Variants in AATF observed in about 807,000 individuals in gnomAD.
AATF encodes apoptosis antagonizing transcription factor.
A neutral mutation model predicts 63.7 loss-of-function variants in AATF; 48 were observed. The ratio of observed to expected loss-of-function variants is 0.75; its 90% CI spans 0.60 to 0.96. The LOEUF (loss-of-function observed/expected upper bound fraction) is 0.96. Ranked by LOEUF, AATF falls within the 40% of genes least tolerant of loss-of-function variation. The probability of loss-of-function intolerance (pLI) is 0.00; values close to 1 mark genes in which losing one functional copy is unlikely to be tolerated. For synonymous variants in AATF, 258 were observed against 247.7 expected (o/e 1.04, Z -0.39); for missense variants, 639 against 685.7 (o/e 0.93, Z 0.76).
intron 4 of AATF, among the ~76,000 whole-genome samples, chr17:36,967,930 A>G (rs1293007600): frequency 6.7e-6 from 1 of 149,942 alleles, no homozygotes; most frequent in East Asian, 2.0e-4. Flanking sequence ...GAAATTTCAT[A>G]ATGATGCACC....
intron 10 of AATF, among the ~76,000 whole-genome samples, chr17:37,031,125 GT>G (rs2071548498): frequency 6.6e-6 from 1 of 152,156 alleles, no homozygotes; most frequent in Non-Finnish European, 1.5e-5. Context: ...ATATTTGTGA[GT>G]TCCACATCAG....
At chr17:37,030,253 C>A (rs953765543) in intron 10 of AATF, among the ~76,000 whole-genome samples, 2 of 152,042 alleles carry the variant, frequency 1.3e-5, no homozygotes, top group South Asian at 2.1e-4. Flanking sequence ...CAGTATTATT[C>A]TTGTAAAATT....
intron 11 of AATF, among the ~76,000 whole-genome samples, chr17:37,035,875 A>C (rs891624775): frequency 6.6e-6 from 1 of 152,226 alleles, no homozygotes; most frequent in African/African-American, 2.4e-5. Context: ...AAAATAAAAA[A>C]TCCAAATGAC....
At chr17:36,970,534 C>CTTTCTTTT (rs1567968838) in intron 4 of AATF, among the ~76,000 whole-genome samples, 1 of 125,686 alleles carries the variant, frequency 8.0e-6, no homozygotes, top group African/African-American at 5.0e-5. Flanking sequence ...TTCTTTCTTT[C>CTTTCTTTT]TTTTTTCTTT....
intron 4 of AATF, among the ~76,000 whole-genome samples, chr17:36,967,535 T>C (rs1368207476): frequency 6.6e-6 from 1 of 152,218 alleles, no homozygotes; most frequent in African/African-American, 2.4e-5. Context: ...TCATCTGGCC[T>C]GTTCACCTTC....
intron 2 of AATF, 67 bp from the exon 3 acceptor site, chr17:36,952,819 A>G: frequency 6.5e-7 from 1 of 1,546,712 alleles, no homozygotes; most frequent in Non-Finnish European, 8.7e-7. Flanking sequence ...GTTGAAATGA[A>G]GTCTATGGCT....
At chr17:37,022,141 TGTGTGTGTGTGA>T (rs921886373) in intron 10 of AATF, among the ~76,000 whole-genome samples, 30 of 149,814 alleles carry the variant, frequency 2.0e-4, no homozygotes, top group African/African-American at 7.1e-4. Context: ...TGTGTGTGTG[TGTGTGTGTGTGA>T]GAAACACAGT....
chr17:36,962,787 T>G (rs1227505938), intron 4 of AATF, among the ~76,000 whole-genome samples: 1 of 152,132 alleles, frequency 6.6e-6, no homozygotes, highest in Non-Finnish European at 1.5e-5. Flanking sequence ...ATATGTACAT[T>G]TAATTAACTC....
At chr17:37,024,370 G>A (rs889283366) in intron 10 of AATF, among the ~76,000 whole-genome samples, 3 of 152,172 alleles carry the variant, frequency 2.0e-5, no homozygotes, top group African/African-American at 7.2e-5. Context: ...GACCCATTTT[G>A]GGAACTGTAA....
At chr17:37,038,028 A>T (rs1368614267) in intron 11 of AATF, among the ~76,000 whole-genome samples, 1 of 152,156 alleles carries the variant, frequency 6.6e-6, no homozygotes, top group Non-Finnish European at 1.5e-5. Flanking sequence ...TGCCTGGTTC[A>T]TGCTTCCTGT....
At chr17:36,968,916 T>C (rs968411002) in intron 4 of AATF, among the ~76,000 whole-genome samples, 2 of 152,218 alleles carry the variant, frequency 1.3e-5, no homozygotes, top group Admixed American at 6.5e-5. Context: ...ATGTGAACTT[T>C]AGCGCCTGGC....
chr17:36,953,746 G>A (rs776764450), intron 3 of AATF, 24 bp from the exon 4 acceptor site: 18 of 1,603,972 alleles, frequency 1.1e-5, no homozygotes, highest in Non-Finnish European at 1.4e-5. Context: ...ATTGAGGAAT[G>A]GGATTCTCTT....
intron 11 of AATF, among the ~76,000 whole-genome samples, chr17:37,039,908 A>G (rs190078245): frequency 3.3e-5 from 5 of 152,354 alleles, no homozygotes; most frequent in Admixed American, 1.3e-4. Flanking sequence ...TCTTCTAGAA[A>G]GAGATTTGTA....
At chr17:36,985,060 C>T (rs956445999) in intron 4 of AATF, among the ~76,000 whole-genome samples, 2 of 152,012 alleles carry the variant, frequency 1.3e-5, no homozygotes, top group Non-Finnish European at 2.9e-5. Flanking sequence ...CACCACCGTG[C>T]GCGGCTAATT....
intron 2 of AATF, among the ~76,000 whole-genome samples, chr17:36,951,086 T>A (rs533115991): frequency 9.2e-5 from 14 of 152,334 alleles, no homozygotes; most frequent in African/African-American, 2.6e-4. Flanking sequence ...TAGGAGTCTG[T>A]GCGCTTATAG....
At chr17:37,008,427 A>C (rs142441702) in intron 8 of AATF, among the ~76,000 whole-genome samples, 1 of 152,252 alleles carries the variant, frequency 6.6e-6, no homozygotes, top group African/African-American at 2.4e-5. Flanking sequence ...AGATAGTTAC[A>C]CTTAGATTGA....
chr17:37,017,932 T>A (rs1414726674), intron 8 of AATF, among the ~76,000 whole-genome samples: 1 of 152,224 alleles, frequency 6.6e-6, no homozygotes, highest in East Asian at 1.9e-4. Context: ...TTTGATTTGA[T>A]GAAATATCTC....
At chr17:37,011,190 G>A (rs2071387850) in intron 8 of AATF, among the ~76,000 whole-genome samples, 1 of 152,102 alleles carries the variant, frequency 6.6e-6, no homozygotes, top group African/African-American at 2.4e-5. Context: ...GGCCAACATG[G>A]AAAAACCCCG....
chr17:37,029,960 C>CA (rs1239706562), intron 10 of AATF, among the ~76,000 whole-genome samples: 17 of 152,276 alleles, frequency 1.1e-4, no homozygotes, highest in African/African-American at 4.1e-4. Flanking sequence ...CCTGGCCTCT[C>CA]AAAGTGCTCA....
Sources: allele counts gnomAD v4.1 joint callset (sites outside exome capture counted in the v4.1 genomes callset), GRCh38; gene constraint gnomAD v4.1.1; transcripts MANE v1.5; gene names NCBI Gene and HGNC (gene_info 2026-07-23, HGNC 2026-07-21).